SOD2: variants seen among roughly 807,000 people sequenced by gnomAD.
SOD2 encodes the protein superoxide dismutase 2, also known as superoxide dismutase [Mn], mitochondrial.
SOD2 carries 11 observed loss-of-function variants against 27.0 expected under a neutral mutation model. The observed-to-expected ratio is 0.41, with a 90% CI of 0.26 to 0.67. SOD2 has a LOEUF of 0.67. Ranked by LOEUF, SOD2 falls within the 30% of genes least tolerant of loss-of-function variation. The probability of loss-of-function intolerance (pLI) is 0.34; values close to 1 mark genes in which losing one functional copy is unlikely to be tolerated. For missense variants in SOD2, 250 were observed against 274.5 expected (o/e 0.91, Z 0.63); for synonymous variants, 105 against 103.0 (o/e 1.02, Z -0.12).
chr6:159,717,349 A>G (rs919157686), intron 1 of SOD2, among the ~76,000 whole-genome samples: 1 of 152,184 alleles, frequency 6.6e-6, no homozygotes, highest in African/African-American at 2.4e-5. Flanking sequence ...TCCTGGGTTC[A>G]AGGACTTCTC....
chr6:159,762,087 G>A lies in SOD2; in HGVS notation c.-1386C>T, dbSNP rs991608110. 5 of 1,613,090 alleles carry A rather than the reference G, an allele frequency of 3.1e-6. No individual in the cohort carries two copies. The African/African-American group carries it at 5.3e-5, about 17-fold the overall frequency. ...GGGCAGACGGCGGCAGGAGAAGCAA[G>A]ATGAATGCAGGCTCAGATCCTGTGG... On this transcript the variant is annotated 5_prime_UTR_variant, in exon 1 of 8. Coordinates refer to the SOD2 transcript ENST00000546087.
In SOD2 at chr6:159,669,958, C is replaced by T. The variant is rs1464196769; in HGVS notation, c.*12535G>A. The T allele has an allele frequency of 6.6e-6, 1 of 152,186 alleles. No homozygotes were observed. The highest frequency in any genetic ancestry group is 1.5e-5 in the Non-Finnish European group (1 of 68,038). 9.4% of individuals were successfully genotyped at this position (152,186 alleles called of 1,614,324 possible). On this transcript the variant is annotated 3_prime_UTR_variant, in exon 5 of 5. Transcript: ENST00000538183. ...TTAATCCATTTACATTCAAAGTTAT[C>T]ATCAATAGAGGTGCAGACTTTTTAA...
intron 1 of SOD2, chr6:159,713,639 T>G: frequency 9.7e-7 from 1 of 1,031,634 alleles, no homozygotes; most frequent in African/African-American, 1.6e-5. Flanking sequence ...GACAGCCAAA[T>G]GGAAGTCCTC....
intron 4 of SOD2, 47 bp from the exon 5 acceptor site, chr6:159,682,685 A>G: frequency 6.4e-7 from 1 of 1,551,008 alleles, no homozygotes; most frequent in Non-Finnish European, 8.7e-7. Flanking sequence ...TTTCAGTCTA[A>G]AACATTGCAT....
chr6:159,754,051 T>C (rs771992056), intron 1 of SOD2, among the ~76,000 whole-genome samples: 4 of 152,240 alleles, frequency 2.6e-5, no homozygotes, highest in Non-Finnish European at 2.9e-5. Flanking sequence ...ATAAGAGATT[T>C]AATCTTTAAA....
At chr6:159,705,164 A>G (rs1002068524) in intron 1 of SOD2, among the ~76,000 whole-genome samples, 1 of 152,206 alleles carries the variant, frequency 6.6e-6, no homozygotes, top group Non-Finnish European at 1.5e-5. Flanking sequence ...AACCACAAAG[A>G]TGGGGAAAAA....
At chr6:159,753,890 T>C (rs1477881772) in intron 1 of SOD2, among the ~76,000 whole-genome samples, 1 of 152,214 alleles carries the variant, frequency 6.6e-6, no homozygotes, top group East Asian at 1.9e-4. Context: ...AAAAGGGTGT[T>C]GTATTACTTA....
chr6:159,720,027 C>CT (rs753147000), intron 1 of SOD2, among the ~76,000 whole-genome samples: 1,990 of 131,682 alleles, frequency 0.015, 31 homozygotes, highest in African/African-American at 0.037. Flanking sequence ...CCCAGCCTTG[C>CT]TTTTTTTTTT....
chr6:159,713,550 G>GC (rs1777870221), intron 1 of SOD2: 1 of 738,446 alleles, frequency 1.4e-6, no homozygotes, highest in African/African-American at 1.7e-5. Context: ...CTGTGCTTCT[G>GC]CCCTGAAAGT....
rs374219997 is a variant in SOD2, at chr6:159,742,008, T to G, written c.-116+3122A>C. 100 of 1,045,068 alleles carry G rather than the reference T, an allele frequency of 9.6e-5. 1 individual carries two copies. In the East Asian group the frequency reaches 1.9e-3, roughly 20 times the overall value. 64.7% of individuals were successfully genotyped at this position (1,045,068 alleles called of 1,614,324 possible). A position where few individuals can be genotyped will look rare whatever the true frequency, so the allele number is the denominator to read the frequency against. ...AAGAATGCTCAGTATTACTAAAATC[T>G]GTGAGTTTATAGATATCTTCTAGTT... On this transcript the variant is annotated intron_variant, in intron 1 of 3. Transcript: ENST00000537657.
chr6:159,692,694 T>A lies in SOD2; in HGVS notation c.193A>T (p.Thr65Ser). Reference sequence around the variant, plus strand: ...AACGCCTCCTGGTACTTCTCCTCGGTGACGTTCAGGTTGTTCACGTAGGCC... The same window carrying A: ...AACGCCTCCTGGTACTTCTCCTCGGAGACGTTCAGGTTGTTCACGTAGGCC... ...HAAYVNNLNVTEEKYQEALAK... is the reference protein window; with the variant it reads ...HAAYVNNLNVSEEKYQEALAK... Residue 65 changes from threonine to serine, a missense_variant, in exon 2 of 5, where the codon ACC (threonine) becomes TCC (serine). Coordinates refer to ENST00000538183, the MANE Select transcript of SOD2 (RefSeq NM_000636.4). The A allele has an allele frequency of 6.2e-7, 1 of 1,614,116 alleles. No homozygotes were observed. The highest frequency in any genetic ancestry group is 8.5e-7 in the Non-Finnish European group (1 of 1,180,014).
intron 2 of SOD2, chr6:159,691,962 G>T (rs1473877296): frequency 6.6e-6 from 1 of 152,414 alleles, no homozygotes; most frequent in East Asian, 1.9e-4. Context: ...TCTCCCACCT[G>T]AAGTCAAGTG....
intron 3 of SOD2, among the ~76,000 whole-genome samples, chr6:159,685,312 G>A (rs1056389819): frequency 2.1e-4 from 28 of 136,224 alleles, no homozygotes; most frequent in African/African-American, 7.1e-4. Context: ...CCATGATCTC[G>A]GGTCACTGCA....
chr6:159,696,472 AC>A (rs1437710198), upstream of SOD2, among the ~76,000 whole-genome samples: 2 of 151,988 alleles, frequency 1.3e-5, no homozygotes, highest in Non-Finnish European at 2.9e-5. Flanking sequence ...GGTGCGTGCC[AC>A]CATGCCTGGC....
chr6:159,690,211 C>G (rs1466844947), intron 2 of SOD2, among the ~76,000 whole-genome samples: 1 of 148,562 alleles, frequency 6.7e-6, no homozygotes, highest in African/African-American at 2.5e-5. Flanking sequence ...TGCTTGAACC[C>G]AGGAGACGGA....
intron 1 of SOD2, among the ~76,000 whole-genome samples, chr6:159,742,823 A>C (rs1779341315): frequency 1.3e-5 from 2 of 152,160 alleles, no homozygotes; most frequent in South Asian, 2.1e-4. Flanking sequence ...TGGGAGGCCA[A>C]GGTGGGAAGA....
chr6:159,726,153 T>C (rs1482244537), intron 1 of SOD2: 2 of 152,592 alleles, frequency 1.3e-5, no homozygotes, highest in African/African-American at 2.4e-5. Context: ...TCCGTGGAAC[T>C]TGAACCATTT....
At chr6:159,686,892 A>G (rs1780212053) in intron 3 of SOD2, among the ~76,000 whole-genome samples, 1 of 152,210 alleles carries the variant, frequency 6.6e-6, no homozygotes. Context: ...GGTGAAGAAG[A>G]TAATTAAAGT....
chr6:159,699,281 A>G (rs143621943), intron 1 of SOD2, among the ~76,000 whole-genome samples: 2 of 152,224 alleles, frequency 1.3e-5, no homozygotes, highest in African/African-American at 4.8e-5. Context: ...CTATGCCCTG[A>G]CCTTGGTCCA....
Sources: gnomAD v4.1 joint callset for allele counts (sites outside exome capture counted in the v4.1 genomes callset) on GRCh38, gnomAD v4.1.1 for gene constraint, MANE v1.5 for transcripts, NCBI Gene and HGNC (gene_info 2026-07-23, HGNC 2026-07-21) for gene names.